The following CUX2 variants were observed in gnomAD, a reference collection of about 807,000 sequenced individuals.
The protein encoded by CUX2 is homeobox protein cut-like 2.
CUX2 carries 40 observed loss-of-function variants against 144.8 expected under a neutral mutation model. The ratio of observed to expected loss-of-function variants is 0.28; its 90% CI spans 0.21 to 0.36. CUX2 has a LOEUF of 0.36. Ranked by LOEUF, CUX2 falls within the 10% of genes least tolerant of loss-of-function variation. The pLI, the probability that CUX2 is intolerant of heterozygous loss-of-function variation, is 1.00. For missense variants in CUX2, 1,615 were observed against 1,994.0 expected (o/e 0.81, Z 3.62); for synonymous variants, 827 against 875.6 (o/e 0.94, Z 0.98).
At chr12:111,146,763 C>T (rs527352335) in intron 1 of CUX2, among the ~76,000 whole-genome samples, 18 of 152,166 alleles carry the variant, frequency 1.2e-4, no homozygotes, top group Non-Finnish European at 2.4e-4. Context: ...AGCTTCCCCA[C>T]TAATAATTCT....
At chr12:111,157,000 A>AAAAAG (rs1438276984) in intron 1 of CUX2, among the ~76,000 whole-genome samples, 1 of 150,978 alleles carries the variant, frequency 6.6e-6, no homozygotes, top group Non-Finnish European at 1.5e-5. Flanking sequence ...AAAAAAAAAA[A>AAAAAG]AAAAAAAAAC....
Position 111,320,468 on chromosome 12 carries a change from A to G in CUX2, c.2459A>G (p.Asn820Ser), listed in dbSNP as rs777823538. Residue 820 changes from asparagine to serine, a missense_variant, in exon 17 of 22, where the codon AAC (asparagine) becomes AGC (serine). By Grantham distance (46) the Asn-to-Ser change is conservative. Transcript: ENST00000261726. The surrounding 1 kb of genome is among the most constrained non-coding windows in gnomAD (Gnocchi z 8.1). ...SSSSGYSGQP[N>S]GRAWPRGDEA... ...TCCTCTGGCTACTCTGGCCAGCCCA[A>G]CGGCCGCGCCTGGCCCCGCGGGGAC... 6.3e-7 allele frequency: 1 copy of G among 1,588,098 alleles called. No homozygotes were observed. Among genetic ancestry groups the G allele is most frequent in the African/African-American group, 1.3e-5 (1 of 74,474 alleles).
intron 1 of CUX2, among the ~76,000 whole-genome samples, chr12:111,187,673 C>T (rs891884961): frequency 1.3e-5 from 2 of 152,190 alleles, no homozygotes; most frequent in Non-Finnish European, 2.9e-5. Context: ...GGCTGGGTCT[C>T]CTGAGGTGCC....
intron 1 of CUX2, among the ~76,000 whole-genome samples, chr12:111,170,365 G>A (rs1878436111): frequency 6.6e-6 from 1 of 151,158 alleles, no homozygotes; most frequent in Non-Finnish European, 1.5e-5. Context: ...GGAGGCAGAG[G>A]TTGTGGTAAG....
At chr12:111,203,619 G>A (rs925061379) in intron 1 of CUX2, among the ~76,000 whole-genome samples, 1 of 152,124 alleles carries the variant, frequency 6.6e-6, no homozygotes, top group Non-Finnish European at 1.5e-5. Context: ...GCCGGAGGGT[G>A]TAGAAGGAAG....
At chr12:111,159,985 A>G (rs1877645431) in intron 1 of CUX2, among the ~76,000 whole-genome samples, 1 of 152,190 alleles carries the variant, frequency 6.6e-6, no homozygotes, top group African/African-American at 2.4e-5. Context: ...AGATTGTACC[A>G]CTGCACTCCA....
At position 111,034,984 on chromosome 12, in the gene CUX2, C is replaced by T. The variant is rs1869355807; in HGVS notation, c.63+744C>T. On this transcript the variant is annotated intron_variant, in intron 1 of 21. Transcript: ENST00000261726. The surrounding 1 kb of genome is among the most constrained non-coding windows in gnomAD (Gnocchi z 4.2). Reference sequence around the variant, plus strand: ...CTTGCCTTTACCCCCCCGCCCCTTCCATCCCCTTCCCAAGTCTAGATGCAG... The same window carrying T: ...CTTGCCTTTACCCCCCCGCCCCTTCTATCCCCTTCCCAAGTCTAGATGCAG... Among the ~76,000 whole-genome samples, 1 of 152,106 alleles carries T rather than the reference C, an allele frequency of 6.6e-6. No homozygotes were observed. Among genetic ancestry groups the T allele is most frequent in the Non-Finnish European group, 1.5e-5 (1 of 67,998 alleles).
At chr12:111,137,240 C>T (rs1875953328) in intron 1 of CUX2, among the ~76,000 whole-genome samples, 1 of 151,950 alleles carries the variant, frequency 6.6e-6, no homozygotes, top group Non-Finnish European at 1.5e-5. Context: ...CATCCAAAAT[C>T]CACTGTAAAG....
At chr12:111,326,542 G>C (rs1011893667) in intron 18 of CUX2, among the ~76,000 whole-genome samples, 29 of 152,020 alleles carry the variant, frequency 1.9e-4, no homozygotes, top group African/African-American at 7.0e-4. Context: ...TGTCACCCAG[G>C]CTGGAGTGGT....
At chr12:111,342,131 G>A in intron 21 of CUX2, 78 bp downstream of exon 21, 1 of 1,512,322 alleles carries the variant, frequency 6.6e-7, no homozygotes, top group Non-Finnish European at 8.9e-7. Context: ...GGCCTGGAGG[G>A]AGCCCCACAT....
intron 4 of CUX2, chr12:111,270,402 C>T (rs770266075): frequency 9.9e-5 from 15 of 151,834 alleles, no homozygotes; most frequent in Non-Finnish European, 2.1e-4. Flanking sequence ...TCTGTAATTA[C>T]GAAAGAAAAC....
At chr12:111,184,905 T>C (rs912155868) in intron 1 of CUX2, among the ~76,000 whole-genome samples, 1 of 150,390 alleles carries the variant, frequency 6.6e-6, no homozygotes, top group Non-Finnish European at 1.5e-5. Context: ...CTACTAAAAA[T>C]ACAAAAATTA....
At chr12:111,210,461 G>A (rs1308778104) in intron 1 of CUX2, among the ~76,000 whole-genome samples, 1 of 152,008 alleles carries the variant, frequency 6.6e-6, no homozygotes, top group Non-Finnish European at 1.5e-5. Flanking sequence ...GATCTGGTGG[G>A]GTGTTTTCTT....
chr12:111,275,225 C>T (rs1884811738), intron 4 of CUX2, among the ~76,000 whole-genome samples: 1 of 152,194 alleles, frequency 6.6e-6, no homozygotes, highest in Non-Finnish European at 1.5e-5. Context: ...GTCCCCCATC[C>T]CTGCACGCCC....
At chr12:111,274,121 G>T (rs1884753644) in intron 4 of CUX2, among the ~76,000 whole-genome samples, 1 of 152,150 alleles carries the variant, frequency 6.6e-6, no homozygotes, top group South Asian at 2.1e-4. Context: ...TAGTAGAGAC[G>T]GGATTTCACC....
rs1888919656 is a variant in CUX2, at chr12:111,348,383, C to T, written c.*58C>T. ...GTAACTACCTTCCTTCTCGCACTTACTCTCCTCAACAGGATGGGGTAAGGG... is the reference window on the plus strand; with the variant it reads ...GTAACTACCTTCCTTCTCGCACTTATTCTCCTCAACAGGATGGGGTAAGGG... On this transcript the variant is annotated 3_prime_UTR_variant, in exon 22 of 22. Coordinates refer to ENST00000261726, the MANE Select transcript of CUX2 (RefSeq NM_015267.4). The T allele has an allele frequency of 1.4e-6, 2 of 1,471,590 alleles. No individual in the cohort carries two copies. The highest frequency in any genetic ancestry group is 9.3e-7 in the Non-Finnish European group (1 of 1,074,082). 91.2% of individuals were successfully genotyped at this position (1,471,590 alleles called of 1,614,324 possible).
chr12:111,083,059 G>T (rs1871993344), intron 1 of CUX2, among the ~76,000 whole-genome samples: 7 of 152,152 alleles, frequency 4.6e-5, no homozygotes, highest in Admixed American at 4.6e-4. Flanking sequence ...GTGCTTAGCA[G>T]CCTTACTGGC....
chr12:111,111,550 G>A lies in CUX2; in HGVS notation c.63+77310G>A, dbSNP rs147326966. Among the ~76,000 whole-genome samples the A allele has an allele frequency of 7.5e-4, 114 of 152,310 alleles. 1 individual carries two copies. In the East Asian group the frequency reaches 0.013, roughly 17 times the overall value. ...CAGCCATCAGATGTCAAACTTCTAC[G>A]TTAATAGAATCCTTTGGCAGTGATC... On this transcript the variant is annotated intron_variant, in intron 1 of 21. Transcript: ENST00000261726.
chr12:111,121,369 C>CTTTTTTTTTTTTTTT (rs5800920), intron 1 of CUX2, among the ~76,000 whole-genome samples: 1 of 59,038 alleles, frequency 1.7e-5, no homozygotes. Context: ...TTTCTTTTTT[C>CTTTTTTTTTTTTTTT]TTTTTTTTTT....
Sources: allele counts gnomAD v4.1 joint callset (sites outside exome capture counted in the v4.1 genomes callset), GRCh38; gene constraint gnomAD v4.1.1; non-coding constraint Gnocchi (gnomAD v3.1); transcripts MANE v1.5; gene names NCBI Gene and HGNC (gene_info 2026-07-23, HGNC 2026-07-21).